Variants in CLSTN2 observed in about 807,000 individuals in gnomAD.
CLSTN2 encodes calsyntenin 2.
CLSTN2 carries 48 observed loss-of-function variants against 101.2 expected under a neutral mutation model. The ratio of observed to expected loss-of-function variants is 0.47; its 90% confidence interval spans 0.38 to 0.60. The LOEUF is 0.60. CLSTN2 is among the 20% of genes least tolerant of loss of function. CLSTN2 has a pLI of 0.00. For synonymous variants in CLSTN2, 481 were observed against 463.6 expected (o/e 1.04, Z -0.48); for missense variants, 1,160 against 1,238.2 (o/e 0.94, Z 0.95).
chr3:140,094,911 C>A (rs2008843673), intron 1 of CLSTN2, among the ~76,000 whole-genome samples: 3 of 152,308 alleles, frequency 2.0e-5, no homozygotes, highest in Non-Finnish European at 4.4e-5. Context: ...CGTCAAGGAT[C>A]GTACTGCAGC....
intron 2 of CLSTN2, among the ~76,000 whole-genome samples, chr3:140,183,916 C>T (rs909825608): frequency 7.9e-5 from 12 of 152,134 alleles, no homozygotes; most frequent in Non-Finnish European, 1.6e-4. Context: ...TAATTTCAGC[C>T]CAGATGTCTG....
In CLSTN2 at chr3:140,245,956, C is replaced by T. The variant is rs979862471; in HGVS notation, c.232+69883C>T. Among the ~76,000 whole-genome samples, 6 of 152,114 alleles carry T rather than the reference C, an allele frequency of 3.9e-5. 1 individual carries two copies. The highest frequency in any genetic ancestry group is 3.2e-3 in the Middle Eastern group (1 of 316). On this transcript the variant is annotated intron_variant, in intron 2 of 16. Transcript: ENST00000458420. ...ATGTGTATCACTGATATTCGTATTT[C>T]CTAAAAGTCTTATTATTATGCTGTA...
chr3:140,426,643 G>A (rs1238210253), intron 5 of CLSTN2, among the ~76,000 whole-genome samples: 1 of 152,132 alleles, frequency 6.6e-6, no homozygotes, highest in Non-Finnish European at 1.5e-5. Context: ...TTAAGGGCAG[G>A]GTCTTAGTAG....
At chr3:140,538,446 G>A (rs771724731) in intron 9 of CLSTN2, among the ~76,000 whole-genome samples, 5 of 152,152 alleles carry the variant, frequency 3.3e-5, no homozygotes, top group Non-Finnish European at 5.9e-5. Flanking sequence ...AAAAGCCAAA[G>A]CAAAGAATAG....
At chr3:140,124,951 A>G (rs530582925) in intron 1 of CLSTN2, among the ~76,000 whole-genome samples, 124 of 152,224 alleles carry the variant, frequency 8.1e-4, no homozygotes, top group African/African-American at 2.9e-3. Context: ...GGAGAAGGAA[A>G]CCAAGTGACT....
intron 2 of CLSTN2, among the ~76,000 whole-genome samples, chr3:140,317,751 T>C (rs948385677): frequency 6.6e-6 from 1 of 152,252 alleles, no homozygotes; most frequent in African/African-American, 2.4e-5. Context: ...AAGATGTAAC[T>C]GTTTTCTTCT....
intron 2 of CLSTN2, among the ~76,000 whole-genome samples, chr3:140,306,960 C>T (rs1277185122): frequency 6.6e-6 from 1 of 151,648 alleles, no homozygotes; most frequent in African/African-American, 2.4e-5. Context: ...TCTTGAATTC[C>T]CACATGTTGT....
intron 8 of CLSTN2, among the ~76,000 whole-genome samples, chr3:140,502,599 G>A (rs1344379271): frequency 6.6e-6 from 1 of 152,214 alleles, no homozygotes; most frequent in African/African-American, 2.4e-5. Flanking sequence ...AATACTGAGA[G>A]AATCAGAAAT....
intron 8 of CLSTN2, among the ~76,000 whole-genome samples, chr3:140,488,437 G>T (rs1298422410): frequency 1.3e-5 from 2 of 151,980 alleles, no homozygotes. Context: ...AACACCTCAG[G>T]AGTGGTTATG....
intron 4 of CLSTN2, among the ~76,000 whole-genome samples, chr3:140,407,018 T>C (rs890051557): frequency 6.6e-6 from 1 of 152,258 alleles, no homozygotes; most frequent in African/African-American, 2.4e-5. Context: ...CCTCTAATGC[T>C]GGTTTACAAC....
intron 1 of CLSTN2, among the ~76,000 whole-genome samples, chr3:140,094,421 T>C (rs1320051445): frequency 6.6e-6 from 1 of 152,234 alleles, no homozygotes; most frequent in Non-Finnish European, 1.5e-5. Context: ...TTTTTCTCCA[T>C]GCCCTTTGAA....
At position 140,094,677 on chromosome 3, in the gene CLSTN2, C is replaced by T. The variant is rs376982891; in HGVS notation, c.110-81274C>T. 6.0e-4 allele frequency among the ~76,000 whole-genome samples: 92 copies of T among 152,276 alleles called. No individual in the cohort carries two copies. In the South Asian group the frequency reaches 0.018, roughly 30 times the overall value. Reference sequence around the variant, plus strand: ...TAAACAGCTAGGGTGCTGTGCAATACTAATAGTGTATCCTTTAGTCTGCAG... The same window carrying T: ...TAAACAGCTAGGGTGCTGTGCAATATTAATAGTGTATCCTTTAGTCTGCAG... On this transcript the variant is annotated intron_variant, in intron 1 of 16. Transcript: ENST00000458420.
chr3:140,166,987 A>T (rs2107823232), intron 1 of CLSTN2, among the ~76,000 whole-genome samples: 1 of 152,338 alleles, frequency 6.6e-6, no homozygotes, highest in Admixed American at 6.5e-5. Context: ...GAACAAAAAG[A>T]CAAAGCATTT....
chr3:139,948,475 A>G (rs941711416), intron 1 of CLSTN2, among the ~76,000 whole-genome samples: 4 of 151,884 alleles, frequency 2.6e-5, no homozygotes, highest in Admixed American at 6.6e-5. Context: ...GAAAAAAAAA[A>G]GCAAAGAAAA....
At chr3:140,540,667 AGTTTCTTAGACTAAATAGCCATGG>A (rs764230148) in intron 9 of CLSTN2, among the ~76,000 whole-genome samples, 14 of 152,190 alleles carry the variant, frequency 9.2e-5, no homozygotes, top group Non-Finnish European at 1.6e-4. Flanking sequence ...CCTTTCCATG[AGTTTCTTAGACTAAATAGCCATGG>A]GAATGACAGC....
At chr3:140,306,605 T>C (rs535103844) in intron 2 of CLSTN2, among the ~76,000 whole-genome samples, 6 of 152,296 alleles carry the variant, frequency 3.9e-5, no homozygotes, top group South Asian at 4.1e-4. Flanking sequence ...AGTAGCTGCT[T>C]CACAGCCTTG....
chr3:140,259,728 T>A (rs1024115827), intron 2 of CLSTN2, among the ~76,000 whole-genome samples: 1 of 152,176 alleles, frequency 6.6e-6, no homozygotes, highest in Non-Finnish European at 1.5e-5. Context: ...TATATAAATG[T>A]AATTATACAC....
At chr3:140,132,611 G>T (rs947604470) in intron 1 of CLSTN2, among the ~76,000 whole-genome samples, 5 of 152,212 alleles carry the variant, frequency 3.3e-5, no homozygotes, top group Non-Finnish European at 5.9e-5. Context: ...GAGGTGTCAT[G>T]AGGATTAAAT....
At chr3:140,351,936 G>T (rs538697149) in intron 2 of CLSTN2, among the ~76,000 whole-genome samples, 1 of 151,608 alleles carries the variant, frequency 6.6e-6, no homozygotes, top group African/African-American at 2.4e-5. Context: ...GTGATACAGA[G>T]AAGGACAAAA....
Sources: allele counts gnomAD v4.1 joint callset (sites outside exome capture counted in the v4.1 genomes callset), GRCh38; gene constraint gnomAD v4.1.1; transcripts MANE v1.5; gene names NCBI Gene and HGNC (gene_info 2026-07-23, HGNC 2026-07-21).